NCLN: variants seen among roughly 807,000 people sequenced by gnomAD.
The protein encoded by NCLN is BOS complex subunit NCLN.
In NCLN, 34 loss-of-function variants were observed where a neutral mutation model predicts 69.5. The observed-to-expected ratio is 0.49, with a 90% CI of 0.37 to 0.65. NCLN has a LOEUF of 0.65. Among genes scored for constraint, NCLN ranks in the 30% least tolerant of loss-of-function variants. The pLI, the probability that NCLN is intolerant of heterozygous loss-of-function variation, is 0.00. For missense variants in NCLN, 710 were observed against 804.8 expected, an observed-to-expected ratio of 0.88 and a Z score of 1.42; for synonymous variants, 393 against 358.3, an observed-to-expected ratio of 1.10 and a Z score of -1.09.
intron 5 of NCLN, among the ~76,000 whole-genome samples, chr19:3,200,890 C>T (rs1916109569): frequency 6.6e-6 from 1 of 152,160 alleles, no homozygotes. Flanking sequence ...GATCTGGCTT[C>T]TCTCACTGAG....
intron 6 of NCLN, 32 bp from the exon 7 acceptor site, chr19:3,203,724 C>G (rs570762723): frequency 4.4e-6 from 7 of 1,587,152 alleles, no homozygotes; most frequent in Non-Finnish European, 4.3e-6. Flanking sequence ...GGCGCTTGCC[C>G]GTCAAAGCTA....
At chr19:3,199,826 G>C (rs1371565861) in intron 5 of NCLN, among the ~76,000 whole-genome samples, 1 of 149,388 alleles carries the variant, frequency 6.7e-6, no homozygotes, top group Non-Finnish European at 1.5e-5. Flanking sequence ...TCAGTCTCCC[G>C]AGTAGCTGGG....
chr19:3,203,731 G>A (rs1345178813), intron 6 of NCLN, 25 bp from the exon 7 acceptor site: 1 of 1,598,038 alleles, frequency 6.3e-7, no homozygotes, highest in Non-Finnish European at 8.5e-7. Flanking sequence ...GCCCGTCAAA[G>A]CTAACACTGG....
intron 1 of NCLN, among the ~76,000 whole-genome samples, chr19:3,189,592 C>T (rs1296533401): frequency 2.0e-5 from 3 of 152,266 alleles, no homozygotes; most frequent in South Asian, 2.1e-4. Context: ...CTGGTGACTT[C>T]TCTCAGGATG....
Position 3,192,606 on chromosome 19 carries a change from C to T in NCLN, c.321C>T (p.Ala107=), listed in dbSNP as rs770174501. 23 of 1,603,772 alleles carry T rather than the reference C, an allele frequency of 1.4e-5. No homozygotes were observed. The East Asian group carries it at 1.8e-4, about 13-fold the overall frequency. Residue 107 remains alanine (A), a synonymous_variant, in exon 2 of 15, where the codon GCC becomes GCT. Transcript: ENST00000246117. The part of the protein sequence containing the change: ...YQKALRQSAG[A]VVIILPRAMA... ...AGGCCCTGCGGCAGTCGGCGGGCGC[C>T]GTGGTCATCATCCTGCCCAGGGCCA... is the stretch of plus-strand genomic sequence containing the variant.
chr19:3,198,625 T>C (rs1171319910), intron 4 of NCLN, among the ~76,000 whole-genome samples, 192 bp from the exon 5 acceptor site: 1 of 151,298 alleles, frequency 6.6e-6, no homozygotes, highest in Non-Finnish European at 1.5e-5. Flanking sequence ...CGGCTCTACC[T>C]CCTCCCTGGA....
intron 4 of NCLN, 133 bp from the exon 5 acceptor site, chr19:3,198,684 C>A: frequency 3.3e-6 from 2 of 606,416 alleles, no homozygotes; most frequent in Non-Finnish European, 5.5e-6. Context: ...TCCTGTGGTC[C>A]TCAGTGCTGA....
intron 3 of NCLN, among the ~76,000 whole-genome samples, chr19:3,193,798 G>A (rs533862911): frequency 6.6e-6 from 1 of 151,898 alleles, no homozygotes; most frequent in East Asian, 1.9e-4. Flanking sequence ...CACATCTCGA[G>A]TGGGCGGCGT....
Position 3,209,365 on chromosome 19 carries a change from C to T in NCLN, c.*1677C>T, listed in dbSNP as rs984369601. 61 of 152,324 alleles carry T rather than the reference C, an allele frequency of 4.0e-4. No homozygotes were observed. The highest frequency in any genetic ancestry group is 1.5e-3 in the African/African-American group (61 of 41,480). 9.4% of individuals were successfully genotyped at this position (152,324 alleles called of 1,614,324 possible). On this transcript the variant is annotated 3_prime_UTR_variant, in exon 15 of 15. Coordinates refer to ENST00000246117, the MANE Select transcript of NCLN (RefSeq NM_020170.4). The stretch of plus-strand genomic sequence containing the variant: ...ACTCTGGGACCCAGGCAGCTGCCAC[C>T]TTGTCACCATGAGAGAATTTGGGGA...
chr19:3,204,100 C>A lies in NCLN; in HGVS notation c.985C>A (p.Arg329=). 6.5e-7 allele frequency: 1 copy of A among 1,527,030 alleles called. No individual in the cohort carries two copies. Among genetic ancestry groups the A allele is most frequent in the East Asian group, 2.3e-5 (1 of 43,722 alleles). 94.6% of individuals were successfully genotyped at this position (1,527,030 alleles called of 1,614,324 possible). ...GCACCTGCACGTGTCCAAGCCGCCT[C>A]GGGAGGGCACCCTGCAGCACGCCTT... ...SLHLHVSKPP[R]EGTLQHAFLR... The change falls in exon 8 of 15, where the codon CGG becomes AGG. Residue 329 remains arginine (R), a synonymous_variant. Transcript: ENST00000246117.
intron 1 of NCLN, among the ~76,000 whole-genome samples, chr19:3,190,321 C>G (rs1449868681): frequency 1.3e-5 from 2 of 152,164 alleles, no homozygotes; most frequent in African/African-American, 4.8e-5. Flanking sequence ...GCCCCTGTGG[C>G]TCCTCCATCC....
intron 1 of NCLN, among the ~76,000 whole-genome samples, chr19:3,186,950 C>G (rs1391815789): frequency 6.6e-6 from 1 of 152,122 alleles, no homozygotes; most frequent in Non-Finnish European, 1.5e-5. Flanking sequence ...GGTCCCAGTT[C>G]GTGAGTCATG....
chr19:3,202,296 T>G (rs999210083), intron 6 of NCLN, among the ~76,000 whole-genome samples: 3 of 152,134 alleles, frequency 2.0e-5, no homozygotes, highest in Non-Finnish European at 4.4e-5. Context: ...TATCCTGGTG[T>G]CTGGTGTGAG....
Position 3,192,583 on chromosome 19 carries a change from G to A in NCLN, c.298G>A (p.Ala100Thr), listed in dbSNP as rs2144898996. 1.9e-6 allele frequency: 3 copies of A among 1,606,754 alleles called. No homozygotes were observed. Among genetic ancestry groups the A allele is most frequent in the East Asian group, 2.2e-5 (1 of 44,556 alleles). ...LDFSYEQYQK[A>T]LRQSAGAVVI... ...CTTCTCCTACGAGCAGTACCAGAAG[G>A]CCCTGCGGCAGTCGGCGGGCGCCGT... The change falls in exon 2 of 15, where the codon GCC becomes ACC. Residue 100 changes from alanine (A) to threonine (T), a missense_variant. Transcript: ENST00000246117.
chr19:3,205,809 T>C lies in NCLN; in HGVS notation c.1209-130T>C. 1.1e-6 allele frequency: 1 copy of C among 887,268 alleles called. No individual in the cohort carries two copies. The highest frequency in any genetic ancestry group is 1.8e-6 in the Non-Finnish European group (1 of 567,250). 55.0% of individuals were successfully genotyped at this position (887,268 alleles called of 1,614,324 possible). A position where few individuals can be genotyped will look rare whatever the true frequency, so the allele number is the denominator to read the frequency against. ...GTTAGCCAAGTAGTTAAAGCTAAGCTTAATTTTTTTTTTTTTTTAAAGACA... is the reference window on the plus strand; with the variant it reads ...GTTAGCCAAGTAGTTAAAGCTAAGCCTAATTTTTTTTTTTTTTTAAAGACA... On this transcript the variant is annotated intron_variant, in intron 9 of 14. Transcript: ENST00000246117. This position sits in a 1 kb window ranked among gnomAD's most constrained non-coding sequence, Gnocchi z 4.6.
At chr19:3,195,462 G>C (rs1360248691) in intron 3 of NCLN, among the ~76,000 whole-genome samples, 1 of 152,066 alleles carries the variant, frequency 6.6e-6, no homozygotes, top group East Asian at 1.9e-4. Context: ...TGTTAGCCAG[G>C]AGGGTCTCGA....
Position 3,186,251 on chromosome 19 carries a change from C to A in NCLN, c.184+37C>A, listed in dbSNP as rs112779039. 3.5e-6 allele frequency: 5 copies of A among 1,430,340 alleles called. No homozygotes were observed. In the African/African-American group the frequency reaches 4.4e-5, roughly 13 times the overall value. 88.6% of individuals were successfully genotyped at this position (1,430,340 alleles called of 1,614,324 possible). The stretch of plus-strand genomic sequence containing the variant: ...CGGCCCACCCTCGGGGCTCCCCGGG[C>A]TCCCCGGCCACGCCACTCCGGCCCG... On this transcript the variant is annotated intron_variant, in intron 1 of 14. Coordinates refer to ENST00000246117, the MANE Select transcript of NCLN (RefSeq NM_020170.4).
chr19:3,201,274 C>T (rs1037734910), intron 5 of NCLN, among the ~76,000 whole-genome samples: 1 of 152,184 alleles, frequency 6.6e-6, no homozygotes, highest in African/African-American at 2.4e-5. Context: ...CTTGGCGGGG[C>T]CCCGCAGACC....
At chr19:3,198,988 C>T (rs771968350) in intron 5 of NCLN, 91 bp downstream of exon 5, 23 of 914,644 alleles carry the variant, frequency 2.5e-5, no homozygotes, top group Admixed American at 2.4e-4. Flanking sequence ...TAGGGGATGG[C>T]GGCCAGGGTC....
Sources: allele counts gnomAD v4.1 joint callset (sites outside exome capture counted in the v4.1 genomes callset), GRCh38; gene constraint gnomAD v4.1.1; non-coding constraint Gnocchi (gnomAD v3.1); transcripts MANE v1.5; gene names NCBI Gene and HGNC (gene_info 2026-07-23, HGNC 2026-07-21).